Variants in TFAP2D observed in about 807,000 individuals in gnomAD.
The protein encoded by TFAP2D is transcription factor AP-2-delta.
In TFAP2D, 9 loss-of-function variants were observed where a neutral mutation model predicts 43.6. The observed-to-expected ratio is 0.21, with a 90% CI of 0.12 to 0.36. The LOEUF (loss-of-function observed/expected upper bound fraction) is 0.36. TFAP2D is among the 10% of genes least tolerant of loss of function. The probability of loss-of-function intolerance (pLI) is 1.00; values close to 1 mark genes in which losing one functional copy is unlikely to be tolerated. For synonymous variants in TFAP2D, 256 were observed against 224.9 expected (o/e 1.14, Z -1.24); for missense variants, 513 against 561.4 (o/e 0.91, Z 0.87).
intron 5 of TFAP2D, among the ~76,000 whole-genome samples, chr6:50,732,748 A>T (rs930196167): frequency 1.3e-5 from 2 of 152,072 alleles, no homozygotes; most frequent in Non-Finnish European, 2.9e-5. Flanking sequence ...TGGGGATTCA[A>T]ATTAGCAAAT....
At chr6:50,744,064 T>C (rs1769091339) in intron 5 of TFAP2D, among the ~76,000 whole-genome samples, 1 of 152,170 alleles carries the variant, frequency 6.6e-6, no homozygotes, top group Admixed American at 6.5e-5. Context: ...TTTTAACTTT[T>C]AGGTTCAGGG....
chr6:50,729,429 G>A, intron 5 of TFAP2D, 117 bp downstream of exon 5: 1 of 778,052 alleles, frequency 1.3e-6, no homozygotes, highest in South Asian at 1.9e-5. Context: ...TCAGTTAACA[G>A]TTAAGGTAAA....
intron 5 of TFAP2D, among the ~76,000 whole-genome samples, chr6:50,735,349 C>T (rs145666303): frequency 7.2e-5 from 11 of 152,136 alleles, no homozygotes; most frequent in East Asian, 1.9e-4. Context: ...GTAAAACTCA[C>T]GGATAGAAAA....
Position 50,773,023 on chromosome 6 carries a change from G to T in TFAP2D, c.*159G>T. The T allele has an allele frequency of 3.1e-6, 2 of 636,494 alleles. No homozygotes were observed. The highest frequency in any genetic ancestry group is 4.9e-6 in the Non-Finnish European group (2 of 404,660). 39.4% of individuals were successfully genotyped at this position (636,494 alleles called of 1,614,324 possible). ...TGGAAATGAAAAATGAAACAAAAAA[G>T]GACAAAACCAAAAAAAAAAGAAAAA... On this transcript the variant is annotated 3_prime_UTR_variant, in exon 8 of 8. Coordinates refer to ENST00000008391, the MANE Select transcript of TFAP2D (RefSeq NM_172238.4).
intron 7 of TFAP2D, among the ~76,000 whole-genome samples, chr6:50,771,188 G>T (rs1769523596): frequency 6.6e-6 from 1 of 152,130 alleles, no homozygotes; most frequent in Non-Finnish European, 1.5e-5. Context: ...CCTAAATGTT[G>T]GGTGGCTTAC....
chr6:50,737,301 A>G (rs1768977915), intron 5 of TFAP2D, among the ~76,000 whole-genome samples: 1 of 152,144 alleles, frequency 6.6e-6, no homozygotes, highest in Admixed American at 6.6e-5. Context: ...AGGTATTTTA[A>G]TCAAATTGCA....
At chr6:50,765,871 C>T (rs1168955612) in intron 7 of TFAP2D, among the ~76,000 whole-genome samples, 1 of 152,014 alleles carries the variant, frequency 6.6e-6, no homozygotes, top group Non-Finnish European at 1.5e-5. Flanking sequence ...TTCATTTGAC[C>T]TAATCCCATT....
intron 5 of TFAP2D, among the ~76,000 whole-genome samples, chr6:50,743,853 G>T (rs1769088623): frequency 1.3e-5 from 2 of 151,876 alleles, no homozygotes. Flanking sequence ...ATTCATATAG[G>T]TGCAATAAAA....
At chr6:50,717,415 C>G (rs1017527433) in intron 2 of TFAP2D, among the ~76,000 whole-genome samples, 1 of 152,180 alleles carries the variant, frequency 6.6e-6, no homozygotes, top group East Asian at 1.9e-4. Context: ...ACATTGTAAC[C>G]GTGCGCCAGA....
At chr6:50,771,014 G>A (rs1398534978) in intron 7 of TFAP2D, among the ~76,000 whole-genome samples, 1 of 152,122 alleles carries the variant, frequency 6.6e-6, no homozygotes, top group East Asian at 1.9e-4. Context: ...TGAACAATCT[G>A]GGTAGCTTCT....
chr6:50,725,155 A>T (rs1489920801), intron 3 of TFAP2D, among the ~76,000 whole-genome samples: 1 of 152,156 alleles, frequency 6.6e-6, no homozygotes, highest in Non-Finnish European at 1.5e-5. Context: ...CAAACCGAAT[A>T]AGATCTAACA....
intron 3 of TFAP2D, among the ~76,000 whole-genome samples, chr6:50,721,489 A>G (rs2114031592): frequency 6.6e-6 from 1 of 152,326 alleles, no homozygotes. Context: ...TATTCCCAAA[A>G]GAGGGCGTAT....
chr6:50,769,771 A>T (rs1011113382), intron 7 of TFAP2D, among the ~76,000 whole-genome samples: 1 of 152,170 alleles, frequency 6.6e-6, no homozygotes, highest in African/African-American at 2.4e-5. Context: ...AGAATATCCA[A>T]TTTCTCAGGC....
In TFAP2D at chr6:50,728,899, C is replaced by A. The variant is rs778231653; in HGVS notation, c.642C>A (p.Val214=). The A allele has an allele frequency of 1.2e-6, 2 of 1,614,018 alleles. No individual in the cohort carries two copies. Among genetic ancestry groups the A allele is most frequent in the South Asian group, 1.1e-5 (1 of 91,078 alleles). ...VVNPTDLFCS[V]PGRLSLLSST... is the part of the protein sequence containing the mutation. Reference sequence around the variant, plus strand: ...ACCCCACAGACTTATTTTGCTCTGTCCCTGGCCGTTTGTCCCTTCTTAGTT... The same window carrying A: ...ACCCCACAGACTTATTTTGCTCTGTACCTGGCCGTTTGTCCCTTCTTAGTT... The change falls in exon 4 of 8, where the codon GTC becomes GTA. Residue 214 remains valine (V), a synonymous_variant. Coordinates refer to ENST00000008391, the MANE Select transcript of TFAP2D (RefSeq NM_172238.4).
At chr6:50,731,621 A>G (rs1016430305) in intron 5 of TFAP2D, among the ~76,000 whole-genome samples, 3 of 152,138 alleles carry the variant, frequency 2.0e-5, no homozygotes, top group Non-Finnish European at 2.9e-5. Flanking sequence ...TTTAAAAATT[A>G]CAAGTTATAT....
At chr6:50,728,101 T>C (rs1001771014) in intron 3 of TFAP2D, among the ~76,000 whole-genome samples, 2 of 152,186 alleles carry the variant, frequency 1.3e-5, no homozygotes, top group African/African-American at 4.8e-5. Flanking sequence ...CTACTGACAA[T>C]TATCTTTGTT....
At chr6:50,749,170 G>A (rs1034295449) in intron 6 of TFAP2D, among the ~76,000 whole-genome samples, 2 of 151,574 alleles carry the variant, frequency 1.3e-5, no homozygotes, top group African/African-American at 4.8e-5. Flanking sequence ...AAATATAAAA[G>A]GGGGAGATAT....
chr6:50,730,370 A>G (rs1212006014), intron 5 of TFAP2D, among the ~76,000 whole-genome samples: 2 of 152,074 alleles, frequency 1.3e-5, no homozygotes, highest in Non-Finnish European at 2.9e-5. Flanking sequence ...CAACAATAAC[A>G]CTGACAACTG....
chr6:50,772,330 T>A (rs1198508283), intron 7 of TFAP2D, among the ~76,000 whole-genome samples: 1 of 152,196 alleles, frequency 6.6e-6, no homozygotes, highest in Non-Finnish European at 1.5e-5. Flanking sequence ...AGCTGGCACA[T>A]GTATACATAT....
Sources: gnomAD v4.1 joint callset for allele counts (sites outside exome capture counted in the v4.1 genomes callset) on GRCh38, gnomAD v4.1.1 for gene constraint, MANE v1.5 for transcripts, NCBI Gene and HGNC (gene_info 2026-07-23, HGNC 2026-07-21) for gene names.